Variants in COBLL1 observed in about 807,000 individuals in gnomAD.
COBLL1 encodes cordon-bleu WH2 repeat protein like 1.
Under a neutral mutation model 94.8 loss-of-function variants are expected in COBLL1, and 50 were observed. That is an observed-to-expected ratio of 0.53 (90% CI 0.42 to 0.67). The LOEUF (loss-of-function observed/expected upper bound fraction) is 0.67. Ranked by LOEUF, COBLL1 falls within the 30% of genes least tolerant of loss-of-function variation. The pLI is 0.00. For missense variants in COBLL1, 1,362 were observed against 1,348.7 expected, an observed-to-expected ratio of 1.01 and a Z score of -0.15; for synonymous variants, 448 against 473.8, an observed-to-expected ratio of 0.95 and a Z score of 0.71.
intron 2 of COBLL1, among the ~76,000 whole-genome samples, chr2:164,806,177 G>A (rs1436574861): frequency 6.6e-6 from 1 of 151,694 alleles, no homozygotes; most frequent in Admixed American, 6.6e-5. Context: ...AAACTCCAAC[G>A]TCACTCCTTT....
intron 2 of COBLL1, among the ~76,000 whole-genome samples, chr2:164,800,149 T>A (rs1683690325): frequency 6.6e-6 from 1 of 152,080 alleles, no homozygotes; most frequent in Non-Finnish European, 1.5e-5. Flanking sequence ...CAAGCAACAG[T>A]CTAGGAGAAA....
chr2:164,695,203 C>T lies in COBLL1; in HGVS notation c.2189G>A (p.Gly730Asp). 6.2e-7 allele frequency: 1 copy of T among 1,613,796 alleles called. No homozygotes were observed. Among genetic ancestry groups the T allele is most frequent in the Non-Finnish European group, 8.5e-7 (1 of 1,179,916 alleles). Residue 730 changes from glycine to aspartate, a missense_variant, in exon 12 of 14, where the codon GGC becomes GAC. Transcript: ENST00000652658. ...AGGCACTATTTTATAAGTAGTCATGCCAATTTTGGGTATATACTCTCGTGT... is the reference window on the plus strand; with the variant it reads ...AGGCACTATTTTATAAGTAGTCATGTCAATTTTGGGTATATACTCTCGTGT... ...EITREYIPKI[G>D]MTTYKIVPPK...
chr2:164,695,805 C>A lies in COBLL1; in HGVS notation c.1587G>T (p.Glu529Asp), dbSNP rs756368148. Residue 529 changes from glutamate to aspartate, a missense_variant, in exon 12 of 14, where the codon GAG becomes GAT. Coordinates refer to ENST00000652658, the MANE Select transcript of COBLL1 (RefSeq NM_001365672.2). ...CATTTTTCATATTGTCTTCTGTGTT[C>A]TCTGGATAGACAATTATTTCATTTT... ...VVQNEIIVYP[E>D]NTEDNMKNGV... 1 of 1,594,628 alleles carries A rather than the reference C, an allele frequency of 6.3e-7. No homozygotes were observed. The highest frequency in any genetic ancestry group is 1.1e-5 in the South Asian group (1 of 86,988).
chr2:164,694,134 CTT>C (rs1683766082), intron 12 of COBLL1, 133 bp downstream of exon 12: 1 of 858,368 alleles, frequency 1.2e-6, no homozygotes, highest in African/African-American at 1.7e-5. Context: ...TCACCACTCT[CTT>C]CACTACAATA....
At chr2:164,660,941 C>A (rs950183959) in intron 2 of COBLL1, among the ~76,000 whole-genome samples, 1 of 152,000 alleles carries the variant, frequency 6.6e-6, no homozygotes, top group Admixed American at 6.6e-5. Context: ...AGAGACTGTA[C>A]CTGTGAAGTT....
At chr2:164,823,576 C>G (rs1316838318) in intron 2 of COBLL1, among the ~76,000 whole-genome samples, 1 of 152,178 alleles carries the variant, frequency 6.6e-6, no homozygotes, top group African/African-American at 2.4e-5. Context: ...CAAGGCTATA[C>G]TTGAATAATT....
rs1026180518 is a variant in COBLL1, at chr2:164,681,822, C to T, written c.*4124G>A. 2 of 152,168 alleles carry T rather than the reference C, an allele frequency of 1.3e-5. No homozygotes were observed. The highest frequency in any genetic ancestry group is 1.9e-4 in the East Asian group (1 of 5,188). 9.4% of individuals were successfully genotyped at this position (152,168 alleles called of 1,614,324 possible). A position where few individuals can be genotyped will look rare whatever the true frequency, so the allele number is the denominator to read the frequency against. Reference sequence around the variant, plus strand: ...AAGCAGAGATGCCAACAGATCTCTACAAATTACCAGAATGTTCCACAACTC... The same window carrying T: ...AAGCAGAGATGCCAACAGATCTCTATAAATTACCAGAATGTTCCACAACTC... On this transcript the variant is annotated 3_prime_UTR_variant, in exon 14 of 14. Coordinates refer to ENST00000652658, the MANE Select transcript of COBLL1 (RefSeq NM_001365672.2).
chr2:164,782,575 C>A (rs1212027802), intron 2 of COBLL1, among the ~76,000 whole-genome samples: 1 of 152,070 alleles, frequency 6.6e-6, no homozygotes, highest in Non-Finnish European at 1.5e-5. Context: ...CCTTTAGGAA[C>A]TGTTCTGGGC....
intron 13 of COBLL1, among the ~76,000 whole-genome samples, chr2:164,691,385 A>T (rs1683581333): frequency 6.6e-6 from 1 of 152,234 alleles, no homozygotes. Context: ...AAATGATCAC[A>T]GAAGGAATTC....
At chr2:164,705,139 T>C in intron 7 of COBLL1, 34 bp from the exon 8 acceptor site, 1 of 1,477,938 alleles carries the variant, frequency 6.8e-7, no homozygotes. Context: ...AAATCCTACA[T>C]TTAGAAATCA....
intron 2 of COBLL1, among the ~76,000 whole-genome samples, chr2:164,811,747 C>A (rs1336519588): frequency 2.6e-5 from 4 of 151,850 alleles, no homozygotes; most frequent in Non-Finnish European, 4.4e-5. Context: ...ATTTAGGTTT[C>A]TGTTATCAAG....
chr2:164,781,314 T>C (rs927141818), intron 2 of COBLL1, among the ~76,000 whole-genome samples: 5 of 152,210 alleles, frequency 3.3e-5, no homozygotes, highest in Admixed American at 2.6e-4. Flanking sequence ...GATAACAGTA[T>C]GTGAATACTT....
intron 2 of COBLL1, among the ~76,000 whole-genome samples, chr2:164,792,886 T>C (rs1438719850): frequency 1.3e-5 from 2 of 152,150 alleles, no homozygotes; most frequent in African/African-American, 4.8e-5. Flanking sequence ...ATTAATTCCA[T>C]TCCTAGGCCC....
intron 2 of COBLL1, among the ~76,000 whole-genome samples, chr2:164,812,934 A>C (rs1410931079): frequency 6.6e-6 from 1 of 152,126 alleles, no homozygotes; most frequent in Non-Finnish European, 1.5e-5. Context: ...TACAAACTCA[A>C]ATAAATTAGG....
At position 164,719,334 on chromosome 2, in the gene COBLL1, C is replaced by A. The variant is rs979202447; in HGVS notation, c.996+2741G>T. 2.6e-5 allele frequency among the ~76,000 whole-genome samples: 4 copies of A among 152,060 alleles called. 1 individual carries two copies. The highest frequency in any genetic ancestry group is 9.7e-5 in the African/African-American group (4 of 41,400). ...AATTCAAATTGCAACTGGAAGAATACCGAGACTGGAATTACGAAGTTGATG... is the reference window on the plus strand; with the variant it reads ...AATTCAAATTGCAACTGGAAGAATAACGAGACTGGAATTACGAAGTTGATG... On this transcript the variant is annotated intron_variant, in intron 7 of 13. Coordinates refer to ENST00000652658, the MANE Select transcript of COBLL1 (RefSeq NM_001365672.2).
intron 5 of COBLL1, chr2:164,724,626 C>T (rs1685625298): frequency 6.6e-6 from 1 of 151,852 alleles, no homozygotes; most frequent in African/African-American, 2.4e-5. Flanking sequence ...TGGTAAATCA[C>T]AATATAATTT....
At chr2:164,706,592 C>G (rs1684616702) in intron 7 of COBLL1, among the ~76,000 whole-genome samples, 1 of 152,164 alleles carries the variant, frequency 6.6e-6, no homozygotes, top group African/African-American at 2.4e-5. Context: ...ATCCCTCTGC[C>G]ACATCCTATT....
intron 2 of COBLL1, among the ~76,000 whole-genome samples, chr2:164,792,071 A>G (rs1683214977): frequency 6.6e-6 from 1 of 151,858 alleles, no homozygotes; most frequent in African/African-American, 2.4e-5. Flanking sequence ...CACTTCCCGA[A>G]GCAATCCCCA....
At chr2:164,790,786 G>T (rs1050945426) in intron 2 of COBLL1, among the ~76,000 whole-genome samples, 1 of 152,120 alleles carries the variant, frequency 6.6e-6, no homozygotes, top group African/African-American at 2.4e-5. Context: ...ACTCCACAAG[G>T]AACTCCAGAA....
Sources: allele counts gnomAD v4.1 joint callset (sites outside exome capture counted in the v4.1 genomes callset), GRCh38; gene constraint gnomAD v4.1.1; transcripts MANE v1.5; gene names NCBI Gene and HGNC (gene_info 2026-07-23, HGNC 2026-07-21).